The following NFATC1 variants were observed in gnomAD, a reference collection of about 807,000 sequenced individuals.
The protein encoded by NFATC1 is nuclear factor of activated T-cells, cytoplasmic 1.
In NFATC1, 22 loss-of-function variants were observed where a neutral mutation model predicts 76.0. The observed-to-expected ratio is 0.29, with a 90% CI of 0.21 to 0.41. The LOEUF is 0.41. Among genes scored for constraint, NFATC1 ranks in the 10% least tolerant of loss-of-function variants. NFATC1 has a pLI of 1.00. For synonymous variants in NFATC1, 704 were observed against 613.1 expected (o/e 1.15, Z -2.19); for missense variants, 1,357 against 1,337.7 (o/e 1.01, Z -0.23).
intron 1 of NFATC1, among the ~76,000 whole-genome samples, chr18:79,408,954 CCATCCATCCATCAT>C (rs1343945805): frequency 2.2e-5 from 3 of 136,130 alleles, no homozygotes; most frequent in Non-Finnish European, 4.8e-5. Flanking sequence ...CATTCATCAT[CCATCCATCCATCAT>C]CATCCATCCA....
chr18:79,517,674 A>G lies in NFATC1; in HGVS notation c.2783-9854A>G, dbSNP rs1200378179. Among the ~76,000 whole-genome samples the G allele has an allele frequency of 8.5e-5, 13 of 152,204 alleles. 1 individual carries two copies. The highest frequency in any genetic ancestry group is 1.9e-4 in the Non-Finnish European group (13 of 68,030). On this transcript the variant is annotated intron_variant, in intron 9 of 9. Transcript: ENST00000427363. Reference sequence around the variant, plus strand: ...CCTGCAGGACGTTCTGATGTCTGATAATTCTGAGGCCTGTGTCCTTGCCAA... The same window carrying G: ...CCTGCAGGACGTTCTGATGTCTGATGATTCTGAGGCCTGTGTCCTTGCCAA...
intron 8 of NFATC1, among the ~76,000 whole-genome samples, chr18:79,471,114 G>T (rs920126290): frequency 4.6e-5 from 7 of 152,306 alleles, no homozygotes; most frequent in African/African-American, 1.4e-4. Context: ...TGAGCGGCTT[G>T]TCTGTCACTG....
intron 7 of NFATC1, 141 bp from the exon 8 acceptor site, chr18:79,467,304 CGCGGG>C: frequency 1.4e-6 from 1 of 725,498 alleles, no homozygotes; most frequent in African/African-American, 2.6e-5. Flanking sequence ...GCCGTGGAAA[CGCGGG>C]GTTGCCGTGT....
chr18:79,520,234 A>C (rs1212752625), intron 9 of NFATC1, among the ~76,000 whole-genome samples: 1 of 137,386 alleles, frequency 7.3e-6, no homozygotes, highest in Non-Finnish European at 1.7e-5. Flanking sequence ...GGTCCGGACG[A>C]AATGTTGGAG....
chr18:79,501,625 A>G (rs886673046), intron 9 of NFATC1, among the ~76,000 whole-genome samples: 1 of 21,428 alleles, frequency 4.7e-5, no homozygotes, highest in Non-Finnish European at 9.1e-5. Flanking sequence ...TCCCCCCGCC[A>G]AAAAGGTAAA....
intron 9 of NFATC1, among the ~76,000 whole-genome samples, chr18:79,507,435 G>A (rs948029115): frequency 1.3e-5 from 2 of 152,232 alleles, no homozygotes; most frequent in African/African-American, 4.8e-5. Context: ...CACAGACATG[G>A]GGCTGACGGT....
At chr18:79,448,011 G>A (rs1233387670) in intron 3 of NFATC1, among the ~76,000 whole-genome samples, 1 of 152,178 alleles carries the variant, frequency 6.6e-6, no homozygotes, top group East Asian at 1.9e-4. Flanking sequence ...AGTGGGGCCC[G>A]GCCACTAGTG....
At chr18:79,508,677 TCCTC>T in intron 9 of NFATC1, among the ~76,000 whole-genome samples, 1 of 151,638 alleles carries the variant, frequency 6.6e-6, no homozygotes, top group South Asian at 2.1e-4. Context: ...CTGTCTCCCT[TCCTC>T]CCTGTCTCTG....
chr18:79,456,583 G>A (rs11081539), intron 6 of NFATC1, among the ~76,000 whole-genome samples: 33,351 of 152,152 alleles, frequency 0.22, 4,573 homozygotes, highest in African/African-American at 0.38. Context: ...TCTCGCGGGC[G>A]GGGAGGAGGT....
intron 3 of NFATC1, among the ~76,000 whole-genome samples, chr18:79,447,080 C>G (rs1157264550): frequency 2.6e-5 from 4 of 152,310 alleles, no homozygotes; most frequent in African/African-American, 9.6e-5. Flanking sequence ...GTTCAGCCGT[C>G]GCTTCACTGT....
intron 3 of NFATC1, 24 bp downstream of exon 3, chr18:79,433,762 A>G (rs761038075): frequency 1.2e-6 from 2 of 1,601,124 alleles, no homozygotes; most frequent in South Asian, 1.1e-5. Context: ...CCAGACTCGC[A>G]CGTCACTTGG....
At chr18:79,508,709 G>A (rs554134742) in intron 9 of NFATC1, among the ~76,000 whole-genome samples, 10 of 150,000 alleles carry the variant, frequency 6.7e-5, no homozygotes, top group South Asian at 4.2e-4. Flanking sequence ...GTCTCCCTCC[G>A]TCTCTGAATC....
chr18:79,428,309 T>C (rs1228188476), intron 2 of NFATC1, among the ~76,000 whole-genome samples: 2 of 152,196 alleles, frequency 1.3e-5, no homozygotes, highest in Non-Finnish European at 2.9e-5. Flanking sequence ...GTTTTCAGTC[T>C]TGCACTGGTG....
intron 8 of NFATC1, chr18:79,469,880 A>G: frequency 1.0e-6 from 1 of 985,420 alleles, no homozygotes; most frequent in Non-Finnish European, 1.2e-6. Context: ...CTGCGACCGC[A>G]ACCTGCACCA....
chr18:79,494,910 G>A lies in NFATC1; in HGVS notation c.2782+7973G>A, dbSNP rs181040330. ...CCCCCATGAACCTGGTACCGCCGGG[G>A]GAAAGCGAGAGCGGGCACACGCCCC... On this transcript the variant is annotated intron_variant, in intron 9 of 9. Coordinates refer to ENST00000427363, the MANE Select transcript of NFATC1 (RefSeq NM_001278669.2). Among the ~76,000 whole-genome samples, 18 of 147,248 alleles carry A rather than the reference G, an allele frequency of 1.2e-4. No individual in the cohort carries two copies. The East Asian group carries it at 3.5e-3, about 28-fold the overall frequency.
chr18:79,424,409 G>A (rs1390351249), intron 2 of NFATC1, among the ~76,000 whole-genome samples: 2 of 152,256 alleles, frequency 1.3e-5, no homozygotes, highest in Non-Finnish European at 2.9e-5. Flanking sequence ...GGCAGCTCCA[G>A]ACACACAAGC....
intron 9 of NFATC1, among the ~76,000 whole-genome samples, chr18:79,494,325 A>T (rs111783089): frequency 3.8e-5 from 1 of 26,520 alleles, no homozygotes; most frequent in Non-Finnish European, 1.1e-4. Context: ...TGAACCTGGT[A>T]CGGCCGGGGG....
intron 8 of NFATC1, among the ~76,000 whole-genome samples, chr18:79,476,793 C>G (rs2089091058): frequency 6.6e-6 from 1 of 152,218 alleles, no homozygotes; most frequent in Admixed American, 6.5e-5. Flanking sequence ...GGTTGTCAGC[C>G]TCCACGGAGC....
At chr18:79,448,721 C>T (rs1219793077) in intron 3 of NFATC1, 61 bp from the exon 4 acceptor site, 18 of 1,549,414 alleles carry the variant, frequency 1.2e-5, no homozygotes, top group East Asian at 1.1e-4. Flanking sequence ...CTCTGCGTTC[C>T]GGTGACTCCC....
Sources: allele counts gnomAD v4.1 joint callset (sites outside exome capture counted in the v4.1 genomes callset), GRCh38; gene constraint gnomAD v4.1.1; transcripts MANE v1.5; gene names NCBI Gene and HGNC (gene_info 2026-07-23, HGNC 2026-07-21).